Variants in HS6ST3 observed in about 807,000 individuals in gnomAD.
HS6ST3 encodes heparan-sulfate 6-O-sulfotransferase 3.
HS6ST3 carries 12 observed loss-of-function variants against 36.7 expected under a neutral mutation model. The observed-to-expected ratio is 0.33, with a 90% confidence interval of 0.21 to 0.53. The LOEUF (loss-of-function observed/expected upper bound fraction) is 0.53, where lower values mean the gene tolerates loss of function less well. Among genes scored for constraint, HS6ST3 ranks in the 20% least tolerant of loss-of-function variants. The pLI is 0.95. For synonymous variants in HS6ST3, 240 were observed against 257.5 expected, an observed-to-expected ratio of 0.93 and a Z score of 0.65; for missense variants, 584 against 640.9, an observed-to-expected ratio of 0.91 and a Z score of 0.96.
intron 1 of HS6ST3, among the ~76,000 whole-genome samples, chr13:96,776,712 C>T (rs1404408249): frequency 2.6e-5 from 4 of 151,924 alleles, no homozygotes; most frequent in African/African-American, 7.3e-5. Context: ...AGCCTAACAA[C>T]AAAAAAAGCC....
intron 1 of HS6ST3, among the ~76,000 whole-genome samples, chr13:96,096,776 A>G (rs1247551439): frequency 6.6e-6 from 1 of 152,242 alleles, no homozygotes; most frequent in African/African-American, 2.4e-5. Context: ...TCCTTTAGAC[A>G]GCAGGCTGAA....
chr13:96,582,753 A>T (rs1196264214), intron 1 of HS6ST3, among the ~76,000 whole-genome samples: 2 of 152,210 alleles, frequency 1.3e-5, no homozygotes, highest in Admixed American at 1.3e-4. Flanking sequence ...AATGTAGCAG[A>T]TCGGCTCATT....
intron 1 of HS6ST3, among the ~76,000 whole-genome samples, chr13:96,255,564 A>T (rs968831379): frequency 6.6e-6 from 1 of 152,186 alleles, no homozygotes; most frequent in Non-Finnish European, 1.5e-5. Context: ...GAATTTTAGA[A>T]GATAGAAGAT....
At chr13:96,685,433 T>G (rs1485120437) in intron 1 of HS6ST3, among the ~76,000 whole-genome samples, 1 of 152,116 alleles carries the variant, frequency 6.6e-6, no homozygotes, top group Non-Finnish European at 1.5e-5. Context: ...TATTCAAGTT[T>G]ATATCATAAG....
chr13:96,216,133 A>T (rs551410986), intron 1 of HS6ST3, among the ~76,000 whole-genome samples: 1 of 152,220 alleles, frequency 6.6e-6, no homozygotes, highest in Non-Finnish European at 1.5e-5. Flanking sequence ...AGAATTATAC[A>T]TGTTTATGTT....
intron 1 of HS6ST3, among the ~76,000 whole-genome samples, chr13:96,701,625 T>C (rs1241766989): frequency 1.3e-5 from 2 of 152,102 alleles, no homozygotes; most frequent in East Asian, 1.9e-4. Context: ...GACAAAATTG[T>C]TTATAATTTA....
intron 1 of HS6ST3, among the ~76,000 whole-genome samples, chr13:96,247,891 A>G (rs376835916): frequency 1.1e-4 from 17 of 152,246 alleles, no homozygotes; most frequent in Admixed American, 8.5e-4. Flanking sequence ...ATTTTATGTA[A>G]TCTTAAGGTT....
intron 1 of HS6ST3, among the ~76,000 whole-genome samples, chr13:96,513,726 C>A (rs2056060241): frequency 6.6e-6 from 1 of 152,008 alleles, no homozygotes; most frequent in Non-Finnish European, 1.5e-5. Context: ...AATGCATTGT[C>A]AGGTGATTTC....
chr13:96,623,112 TG>T (rs754186856), intron 1 of HS6ST3, among the ~76,000 whole-genome samples: 1 of 152,204 alleles, frequency 6.6e-6, no homozygotes, highest in Non-Finnish European at 1.5e-5. Flanking sequence ...TCATTTTATT[TG>T]GTAATTTTGC....
intron 1 of HS6ST3, among the ~76,000 whole-genome samples, chr13:96,468,493 C>A (rs1007152924): frequency 2.0e-5 from 3 of 151,648 alleles, no homozygotes; most frequent in Non-Finnish European, 4.4e-5. Context: ...CACACACACA[C>A]ACACACACAC....
chr13:96,668,201 C>T (rs560238381), intron 1 of HS6ST3, among the ~76,000 whole-genome samples: 12 of 152,156 alleles, frequency 7.9e-5, no homozygotes, highest in African/African-American at 2.6e-4. Flanking sequence ...CACACACACA[C>T]AGCTGGTGAA....
intron 1 of HS6ST3, among the ~76,000 whole-genome samples, chr13:96,597,449 A>AT (rs1441020536): frequency 2.0e-5 from 3 of 151,184 alleles, no homozygotes; most frequent in Admixed American, 2.0e-4. Context: ...CATTTTTCAT[A>AT]TTTTTTGCCA....
Position 96,198,558 on chromosome 13 carries a change from T to A in HS6ST3, c.707+106989T>A, listed in dbSNP as rs7330233. ...CTACTTAGAAATTTCTTCTGCCAGC[T>A]ACCCTAAATTATCTTTCTCGAGTTC... On this transcript the variant is annotated intron_variant, in intron 1 of 1. Transcript: ENST00000376705. 4.9e-3 allele frequency among the ~76,000 whole-genome samples: 754 copies of A among 152,346 alleles called. 9 individuals carry two copies. The highest frequency in any genetic ancestry group is 0.017 in the African/African-American group (715 of 41,576).
intron 1 of HS6ST3, among the ~76,000 whole-genome samples, chr13:96,717,875 G>A (rs535541856): frequency 6.6e-6 from 1 of 152,270 alleles, no homozygotes; most frequent in Non-Finnish European, 1.5e-5. Flanking sequence ...CATTTTTAAT[G>A]CATCACTTGT....
chr13:96,527,692 C>T (rs1252764497), intron 1 of HS6ST3, among the ~76,000 whole-genome samples: 1 of 152,088 alleles, frequency 6.6e-6, no homozygotes, highest in Middle Eastern at 3.2e-3. Context: ...AGAGGATCAC[C>T]AGCAGAGGGA....
intron 1 of HS6ST3, among the ~76,000 whole-genome samples, chr13:96,436,647 T>C (rs1266443537): frequency 2.0e-5 from 3 of 152,074 alleles, no homozygotes; most frequent in Non-Finnish European, 4.4e-5. Context: ...AAGAAGAAAT[T>C]TCATCATATA....
At chr13:96,493,427 G>A (rs2055956743) in intron 1 of HS6ST3, among the ~76,000 whole-genome samples, 1 of 152,038 alleles carries the variant, frequency 6.6e-6, no homozygotes, top group Non-Finnish European at 1.5e-5. Context: ...TGATCATTTA[G>A]GTTTTAGGAG....
chr13:96,455,327 C>T (rs1195224122), intron 1 of HS6ST3, among the ~76,000 whole-genome samples: 1 of 152,106 alleles, frequency 6.6e-6, no homozygotes, highest in Non-Finnish European at 1.5e-5. Context: ...TCAAGCCATC[C>T]TCCCACCTCA....
chr13:96,277,929 T>C (rs949585333), intron 1 of HS6ST3, among the ~76,000 whole-genome samples: 6 of 152,166 alleles, frequency 3.9e-5, no homozygotes, highest in Admixed American at 6.6e-5. Flanking sequence ...GAAAATGACA[T>C]GAGCTATACA....
Sources: gnomAD v4.1 joint callset for allele counts (sites outside exome capture counted in the v4.1 genomes callset) on GRCh38, gnomAD v4.1.1 for gene constraint, MANE v1.5 for transcripts, NCBI Gene and HGNC (gene_info 2026-07-23, HGNC 2026-07-21) for gene names.